The following SMARCAL1 variants were observed in gnomAD, a reference collection of about 807,000 sequenced individuals.
SMARCAL1 encodes ATP-driven annealing helicase.
In SMARCAL1, 58 loss-of-function variants were observed where a neutral mutation model predicts 94.5. The observed-to-expected ratio is 0.61, with a 90% CI of 0.50 to 0.76. The LOEUF (loss-of-function observed/expected upper bound fraction) is 0.76. Among genes scored for constraint, SMARCAL1 ranks in the 30% least tolerant of loss-of-function variants. SMARCAL1 has a pLI of 0.00. For missense variants in SMARCAL1, 1,051 were observed against 1,177.9 expected, an observed-to-expected ratio of 0.89 and a Z score of 1.58; for synonymous variants, 422 against 455.1, an observed-to-expected ratio of 0.93 and a Z score of 0.93.
chr2:216,450,712 C>T (rs1254136640), intron 11 of SMARCAL1, 134 bp from the exon 12 acceptor site: 5 of 675,606 alleles, frequency 7.4e-6, no homozygotes, highest in South Asian at 5.0e-5. Context: ...TTATTTGTCC[C>T]TGTAAGTCAC....
At position 216,451,608 on chromosome 2, in the gene SMARCAL1, A is replaced by G. The variant is rs112544087; in HGVS notation, c.2070+544A>G. On this transcript the variant is annotated intron_variant, in intron 12 of 17. Transcript: ENST00000357276. ...CATCCCCCTTTTTACAGAGAGGGAA[A>G]CTGAGGCTCACAGAGATTGCAGTTT... is the stretch of plus-strand genomic sequence containing the variant. 500 of 168,410 alleles carry G rather than the reference A, an allele frequency of 3.0e-3. 2 individuals are homozygous for G. The highest frequency in any genetic ancestry group is 0.012 in the African/African-American group (484 of 41,712). The allele number at this position is 168,410 out of a possible 1,614,324, so 10.4% of individuals were successfully genotyped here.
At chr2:216,441,699 G>C (rs1360498571) in intron 10 of SMARCAL1, among the ~76,000 whole-genome samples, 1 of 152,118 alleles carries the variant, frequency 6.6e-6, no homozygotes, top group Non-Finnish European at 1.5e-5. Context: ...GAATTGCCAG[G>C]TCAGTTTTCA....
chr2:216,422,485 T>C (rs1340803819), intron 5 of SMARCAL1, among the ~76,000 whole-genome samples: 2 of 152,236 alleles, frequency 1.3e-5, no homozygotes, highest in Non-Finnish European at 2.9e-5. Context: ...CTGATCCTGC[T>C]CACACCCAGG....
intron 9 of SMARCAL1, among the ~76,000 whole-genome samples, chr2:216,436,249 A>G (rs960486694): frequency 6.6e-6 from 1 of 152,162 alleles, no homozygotes; most frequent in East Asian, 1.9e-4. Flanking sequence ...GATTACAGGC[A>G]TGAGCCACCT....
chr2:216,435,577 G>A, intron 9 of SMARCAL1, 81 bp downstream of exon 9: 2 of 1,219,992 alleles, frequency 1.6e-6, no homozygotes, highest in Non-Finnish European at 2.4e-6. Context: ...TTTCATGTCT[G>A]TAATCTCCTT....
At position 216,432,710 on chromosome 2, in the gene SMARCAL1, G is replaced by A; in HGVS notation, c.1335-8G>A. The A allele has an allele frequency of 6.2e-7, 1 of 1,614,068 alleles. No homozygotes were observed. The highest frequency in any genetic ancestry group is 8.5e-7 in the Non-Finnish European group (1 of 1,180,018). On this transcript the variant is annotated splice_region_variant and splice_polypyrimidine_tract_variant and intron_variant, in intron 7 of 17. Transcript: ENST00000357276. The stretch of plus-strand genomic sequence containing the variant: ...GAAATGTGCCATCCTCACCTTGTCT[G>A]CCTTCAGTTTTGCCATAGCCAAAGG...
At chr2:216,456,345 C>T (rs1400217674) in intron 12 of SMARCAL1, among the ~76,000 whole-genome samples, 12 of 152,108 alleles carry the variant, frequency 7.9e-5, no homozygotes, top group South Asian at 2.1e-4. Flanking sequence ...ATACAGAGAA[C>T]GCCACAAAGA....
intron 8 of SMARCAL1, among the ~76,000 whole-genome samples, chr2:216,434,155 G>A (rs1189340448): frequency 6.6e-6 from 1 of 151,852 alleles, no homozygotes; most frequent in African/African-American, 2.4e-5. Flanking sequence ...AACATATTTT[G>A]TGTGCGTTAG....
At chr2:216,477,807 CT>C (rs1016327443) in intron 16 of SMARCAL1, among the ~76,000 whole-genome samples, 7 of 152,178 alleles carry the variant, frequency 4.6e-5, no homozygotes, top group Non-Finnish European at 8.8e-5. Context: ...TTTGTTTCCA[CT>C]GCTTGTCTCT....
At chr2:216,460,256 A>G (rs1008369730) in intron 12 of SMARCAL1, among the ~76,000 whole-genome samples, 1 of 152,234 alleles carries the variant, frequency 6.6e-6, no homozygotes, top group Non-Finnish European at 1.5e-5. Context: ...AACTAGTTCA[A>G]CCACTGTGGA....
At chr2:216,416,219 A>G in intron 3 of SMARCAL1, 38 bp from the exon 4 acceptor site, 1 of 1,597,232 alleles carries the variant, frequency 6.3e-7, no homozygotes, top group Non-Finnish European at 8.6e-7. Context: ...GCCTAAGTAC[A>G]AATTGTCAAC....
At chr2:216,448,978 A>G (rs1694381335) in intron 11 of SMARCAL1, among the ~76,000 whole-genome samples, 1 of 152,268 alleles carries the variant, frequency 6.6e-6, no homozygotes, top group African/African-American at 2.4e-5. Context: ...TAAATACCAC[A>G]GACTAAGTAA....
chr2:216,427,975 G>A (rs1325875198), intron 6 of SMARCAL1, among the ~76,000 whole-genome samples: 3 of 152,200 alleles, frequency 2.0e-5, no homozygotes, highest in Non-Finnish European at 4.4e-5. Flanking sequence ...ACTGGATACC[G>A]GAGGACGATT....
At chr2:216,479,948 A>C (rs1004298338) in intron 17 of SMARCAL1, among the ~76,000 whole-genome samples, 1 of 152,166 alleles carries the variant, frequency 6.6e-6, no homozygotes, top group African/African-American at 2.4e-5. Context: ...GCTACTCAGG[A>C]GACTGAGGCA....
At chr2:216,467,470 CAAAA>C (rs34678979) in intron 13 of SMARCAL1, among the ~76,000 whole-genome samples, 2 of 47,834 alleles carry the variant, frequency 4.2e-5, no homozygotes, top group South Asian at 1.7e-3. Context: ...AACTCAGTCT[CAAAA>C]AAAAAAAAAA....
chr2:216,416,887 G>C (rs557372843), intron 4 of SMARCAL1, among the ~76,000 whole-genome samples: 1 of 152,326 alleles, frequency 6.6e-6, no homozygotes, highest in South Asian at 2.1e-4. Flanking sequence ...TGCAGTGTCT[G>C]GTCATAGTCA....
chr2:216,448,321 C>G (rs284552), intron 11 of SMARCAL1, among the ~76,000 whole-genome samples: 6 of 152,198 alleles, frequency 3.9e-5, no homozygotes, highest in African/African-American at 1.4e-4. Flanking sequence ...CTGTCCTATT[C>G]GCAAACAGTC....
In SMARCAL1 at chr2:216,455,965, G is replaced by A. The variant is rs187369906; in HGVS notation, c.2070+4901G>A. Among the ~76,000 whole-genome samples, 1,428 of 152,254 alleles carry A rather than the reference G, an allele frequency of 9.4e-3. 20 individuals carry two copies. Among genetic ancestry groups the A allele is most frequent in the African/African-American group, 0.033 (1,362 of 41,528 alleles). ...TAAAAACCTTGAAAAAAGATTAGAC[G>A]AATGGCTAACTAGAATAACCAATGC... On this transcript the variant is annotated intron_variant, in intron 12 of 17. Transcript: ENST00000357276.
At chr2:216,429,088 A>T (rs972899486) in intron 7 of SMARCAL1, among the ~76,000 whole-genome samples, 3 of 152,154 alleles carry the variant, frequency 2.0e-5, no homozygotes, top group Non-Finnish European at 2.9e-5. Context: ...TAAAGATCTC[A>T]TCAGGCTGCT....
Sources: allele counts gnomAD v4.1 joint callset (sites outside exome capture counted in the v4.1 genomes callset), GRCh38; gene constraint gnomAD v4.1.1; transcripts MANE v1.5; gene names NCBI Gene and HGNC (gene_info 2026-07-23, HGNC 2026-07-21).